REPS2: variants seen among roughly 807,000 people sequenced by gnomAD.
The protein encoded by REPS2 is ralBP1-associated Eps domain-containing protein 2.
In REPS2, 23 loss-of-function variants were observed where a neutral mutation model predicts 53.6. That is an observed-to-expected ratio of 0.43 (90% CI 0.31 to 0.61). REPS2 has a LOEUF of 0.61. Ranked by LOEUF, REPS2 falls within the 20% of genes least tolerant of loss-of-function variation. REPS2 has a pLI of 0.11. For synonymous variants in REPS2, 238 were observed against 218.6 expected (o/e 1.09, Z -0.78); for missense variants, 446 against 534.9 (o/e 0.83, Z 1.64).
chrX:17,113,660 G>A (rs1214678029), intron 14 of REPS2, among the ~76,000 whole-genome samples: 2 of 111,042 alleles, frequency 1.8e-5, no homozygotes, highest in South Asian at 3.8e-4. Context: ...CAAATAGTTC[G>A]CACTGAATGA....
chrX:17,134,021 A>G (rs763917836), intron 15 of REPS2, 114 bp downstream of exon 15: 10 of 563,815 alleles, frequency 1.8e-5, no homozygotes, highest in East Asian at 1.0e-4. Flanking sequence ...ATGAATGTCA[A>G]TGATCCAGAT....
intron 2 of REPS2, among the ~76,000 whole-genome samples, chrX:17,008,532 A>G (rs1176344886): frequency 8.9e-6 from 1 of 111,909 alleles, no homozygotes. Flanking sequence ...CTGAGAGTTT[A>G]TATATGTCCA....
chrX:16,974,185 A>T (rs1297605002), intron 1 of REPS2, among the ~76,000 whole-genome samples: 1 of 111,053 alleles, frequency 9.0e-6, no homozygotes, highest in African/African-American at 3.3e-5. Flanking sequence ...TCAGTGGAAT[A>T]TTTTTTTTCT....
chrX:17,068,428 C>A lies in REPS2; in HGVS notation c.1236C>A (p.Asp412Glu). 8.3e-7 allele frequency: 1 copy of A among 1,206,312 alleles called. No individual in the cohort carries two copies. Among genetic ancestry groups the A allele is most frequent in the Non-Finnish European group, 1.1e-6 (1 of 891,271 alleles). Residue 412 changes from aspartate (D) to glutamate (E), a missense_variant, in exon 10 of 18, where the codon GAC becomes GAA. Coordinates refer to ENST00000357277, the MANE Select transcript of REPS2 (RefSeq NM_004726.3). ...MEKTSVKDMADLPVPNQDVTS... is the reference protein window; with the variant it reads ...MEKTSVKDMAELPVPNQDVTS... ...AGACATCTGTTAAAGACATGGCTGA[C>A]CTTCCTGTCCCTAACCAGGATGTAA...
At chrX:17,172,851 T>G in the REPS2 span, among the ~76,000 whole-genome samples, 1 of 111,397 alleles carries the variant, frequency 9.0e-6, no homozygotes, top group Non-Finnish European at 1.9e-5. Context: ...ATTTAGTATT[T>G]ATTTTCATTG....
intron 6 of REPS2, among the ~76,000 whole-genome samples, chrX:17,048,673 C>T (rs2061939991): frequency 1.8e-5 from 2 of 111,645 alleles, no homozygotes; most frequent in South Asian, 3.8e-4. Context: ...AACAGTATCA[C>T]GGAGCTGAAA....
intron 6 of REPS2, 76 bp downstream of exon 6, chrX:17,047,558 G>C: frequency 9.3e-7 from 1 of 1,080,297 alleles, no homozygotes; most frequent in Non-Finnish European, 1.3e-6. Context: ...CACGCAAAAT[G>C]AGTATGGCAG....
chrX:16,957,398 G>A (rs1473451131), intron 1 of REPS2, among the ~76,000 whole-genome samples: 1 of 97,120 alleles, frequency 1.0e-5, no homozygotes. Context: ...CGACAGAGGC[G>A]AGATTCTGTC....
Position 16,991,275 on chromosome X carries a change from A to G in REPS2, c.274-14946A>G, listed in dbSNP as rs775979972. On this transcript the variant is annotated intron_variant, in intron 1 of 17. Coordinates refer to ENST00000357277, the MANE Select transcript of REPS2 (RefSeq NM_004726.3). ...AGCGATTCATCTCTTTGCCTGTGGG[A>G]TGGAGAGATTCATTCTCTTCTTCTC... Among the ~76,000 whole-genome samples the G allele has an allele frequency of 9.0e-5, 10 of 111,115 alleles. No homozygotes were observed. The South Asian group carries it at 3.8e-3, about 42-fold the overall frequency.
chrX:17,108,176 CT>C (rs112858596), intron 14 of REPS2, among the ~76,000 whole-genome samples: 194 of 99,786 alleles, frequency 1.9e-3, no homozygotes, highest in Admixed American at 2.1e-3. Context: ...TGTGTTTATT[CT>C]TTTTTTTTTT....
intron 1 of REPS2, among the ~76,000 whole-genome samples, chrX:16,951,559 A>ACACACACACACACACACACACACCC (rs879259718): frequency 2.7e-5 from 1 of 37,477 alleles, no homozygotes; most frequent in Admixed American, 2.9e-4. Flanking sequence ...ACACACACAC[A>ACACACACACACACACACACACACCC]CCCCCGCTAC....
rs1020197991 is a variant in REPS2 at position 17,150,636 on chromosome X, G to A, written c.*3155G>A. 8.9e-6 allele frequency: 1 copy of A among 112,616 alleles called. No individual in the cohort carries two copies. The highest frequency in any genetic ancestry group is 1.9e-5 in the Non-Finnish European group (1 of 53,364). The allele number at this position is 112,616 out of a possible 1,213,427, so 9.3% of individuals were successfully genotyped here. On this transcript the variant is annotated 3_prime_UTR_variant, in exon 18 of 18. Coordinates refer to ENST00000357277, the MANE Select transcript of REPS2 (RefSeq NM_004726.3). ...ATTGGGAGAGGAGGCAGCTTAGCTG[G>A]AAGCTGTGCCCATCTTACTGTCACT...
the REPS2 span, among the ~76,000 whole-genome samples, chrX:17,164,734 G>T: frequency 1.8e-5 from 2 of 111,057 alleles, no homozygotes; most frequent in East Asian, 5.6e-4. Flanking sequence ...ATTTTCCACT[G>T]TTAGAAAATT....
chrX:17,192,294 T>C, the REPS2 span, among the ~76,000 whole-genome samples: 1 of 112,449 alleles, frequency 8.9e-6, no homozygotes, highest in African/African-American at 3.2e-5. Flanking sequence ...AGTAATTATT[T>C]CATCTCCGTC....
chrX:17,111,269 T>C (rs1184409663), intron 14 of REPS2, among the ~76,000 whole-genome samples: 2 of 112,031 alleles, frequency 1.8e-5, no homozygotes, highest in Admixed American at 1.9e-4. Flanking sequence ...AATGACCTCA[T>C]GTAATATATA....
intron 1 of REPS2, among the ~76,000 whole-genome samples, chrX:16,952,970 A>G (rs2060534475): frequency 9.1e-6 from 1 of 110,497 alleles, no homozygotes; most frequent in Non-Finnish European, 1.9e-5. Context: ...TACTAAAAAT[A>G]CAAAAATTAG....
intron 13 of REPS2, among the ~76,000 whole-genome samples, chrX:17,080,754 C>G (rs746443401): frequency 1.2e-4 from 14 of 112,385 alleles, no homozygotes; most frequent in African/African-American, 4.5e-4. Context: ...GGCTGAGAAT[C>G]TTTTTGTATT....
intron 13 of REPS2, chrX:17,099,964 C>T (rs754905412): frequency 4.1e-5 from 48 of 1,162,643 alleles, no homozygotes; most frequent in Non-Finnish European, 5.4e-5. Context: ...ATAATCTGCT[C>T]CGGCTCCAAA....
At chrX:16,968,257 G>A (rs1400152011) in intron 1 of REPS2, among the ~76,000 whole-genome samples, 2 of 111,431 alleles carry the variant, frequency 1.8e-5, no homozygotes, top group Non-Finnish European at 1.9e-5. Flanking sequence ...ACACAGACAC[G>A]GCAACCATCC....
Sources: gnomAD v4.1 joint callset for allele counts (sites outside exome capture counted in the v4.1 genomes callset) on GRCh38, gnomAD v4.1.1 for gene constraint, MANE v1.5 for transcripts, NCBI Gene and HGNC (gene_info 2026-07-23, HGNC 2026-07-21) for gene names.